PLXDC2: variants seen among roughly 807,000 people sequenced by gnomAD.
PLXDC2 encodes plexin domain-containing protein 2.
PLXDC2 carries 40 observed loss-of-function variants against 68.9 expected under a neutral mutation model. The observed-to-expected ratio is 0.58, with a 90% confidence interval of 0.45 to 0.76. The LOEUF is 0.76. PLXDC2 is among the 30% of genes least tolerant of loss of function. The probability of loss-of-function intolerance (pLI) is 0.00; values close to 1 mark genes in which losing one functional copy is unlikely to be tolerated. For missense variants in PLXDC2, 644 were observed against 661.9 expected (o/e 0.97, Z 0.30); for synonymous variants, 243 against 234.2 (o/e 1.04, Z -0.34).
chr10:20,251,737 TTAGAC>T (rs1422494684), intron 13 of PLXDC2, among the ~76,000 whole-genome samples: 19 of 152,302 alleles, frequency 1.2e-4, no homozygotes, highest in African/African-American at 4.6e-4. Context: ...ACGAAATAGT[TTAGAC>T]TAGCCATCTT....
chr10:20,125,281 G>A (rs143904719), intron 4 of PLXDC2, among the ~76,000 whole-genome samples: 139 of 151,730 alleles, frequency 9.2e-4, no homozygotes, highest in African/African-American at 1.5e-3. Context: ...TACTAACAAC[G>A]CCATATCCGA....
chr10:19,878,776 C>G (rs1033933164), intron 1 of PLXDC2, among the ~76,000 whole-genome samples: 1 of 152,162 alleles, frequency 6.6e-6, no homozygotes, highest in African/African-American at 2.4e-5. Context: ...TAACACTTTT[C>G]AGCTTCAAAT....
At chr10:20,272,241 CTT>C (rs1196577659) in intron 13 of PLXDC2, among the ~76,000 whole-genome samples, 1 of 151,970 alleles carries the variant, frequency 6.6e-6, no homozygotes, top group Admixed American at 6.6e-5. Flanking sequence ...TCCTTTCAGT[CTT>C]TATTTTTCAA....
At chr10:20,002,183 A>T (rs1299319400) in intron 2 of PLXDC2, among the ~76,000 whole-genome samples, 197 bp downstream of exon 2, 1 of 151,958 alleles carries the variant, frequency 6.6e-6, no homozygotes, top group African/African-American at 2.4e-5. Flanking sequence ...AGACAAACAC[A>T]GGCTTGGTGT....
intron 9 of PLXDC2, among the ~76,000 whole-genome samples, chr10:20,195,001 G>A (rs1834818826): frequency 6.6e-6 from 1 of 151,844 alleles, no homozygotes; most frequent in African/African-American, 2.4e-5. Flanking sequence ...GTGCTTACCT[G>A]AAAGATTGTA....
chr10:19,846,313 C>T (rs1398305417), intron 1 of PLXDC2, among the ~76,000 whole-genome samples: 2 of 151,904 alleles, frequency 1.3e-5, no homozygotes, highest in Non-Finnish European at 2.9e-5. Context: ...CCATTAATCC[C>T]CTGTGATTTG....
In PLXDC2 at chr10:19,840,849, A is replaced by C. The variant is rs183514636; in HGVS notation, c.112+23658A>C. ...CAATTTTATTTTGGTGAAGCATTGA[A>C]TATTACTGATTAGATATATACTATT... On this transcript the variant is annotated intron_variant, in intron 1 of 13. Coordinates refer to ENST00000377252, the MANE Select transcript of PLXDC2 (RefSeq NM_032812.9). Among the ~76,000 whole-genome samples the C allele has an allele frequency of 2.0e-5, 3 of 152,270 alleles. No homozygotes were observed. The East Asian group carries it at 5.8e-4, about 29-fold the overall frequency.
At chr10:20,178,811 T>C (rs534648353) in intron 9 of PLXDC2, among the ~76,000 whole-genome samples, 13 of 152,282 alleles carry the variant, frequency 8.5e-5, no homozygotes, top group African/African-American at 3.1e-4. Context: ...TTGTTTTCGA[T>C]TTAACAGGGC....
At chr10:20,133,164 A>G (rs924043540) in intron 4 of PLXDC2, among the ~76,000 whole-genome samples, 1 of 152,106 alleles carries the variant, frequency 6.6e-6, no homozygotes. Context: ...TTATGTATTC[A>G]TTAATAAATT....
At chr10:20,124,948 G>T (rs1198228874) in intron 4 of PLXDC2, among the ~76,000 whole-genome samples, 1 of 152,118 alleles carries the variant, frequency 6.6e-6, no homozygotes, top group African/African-American at 2.4e-5. Context: ...ATGACCTTTG[G>T]TTTAGAAAGC....
At chr10:20,026,672 G>C (rs1835409553) in intron 2 of PLXDC2, among the ~76,000 whole-genome samples, 1 of 151,940 alleles carries the variant, frequency 6.6e-6, no homozygotes, top group Non-Finnish European at 1.5e-5. Context: ...CCAAACAAGA[G>C]CAGATACCAC....
chr10:19,966,706 A>C (rs1834269294), intron 1 of PLXDC2, among the ~76,000 whole-genome samples: 1 of 152,120 alleles, frequency 6.6e-6, no homozygotes, highest in Non-Finnish European at 1.5e-5. Context: ...AACATTAAGC[A>C]AGACTGTAGT....
intron 1 of PLXDC2, among the ~76,000 whole-genome samples, chr10:19,973,054 A>C (rs1031595317): frequency 1.3e-5 from 2 of 152,026 alleles, no homozygotes; most frequent in Non-Finnish European, 2.9e-5. Context: ...TAAAATTCAG[A>C]TTTTTAACTT....
chr10:20,200,927 T>C (rs1224569583), intron 9 of PLXDC2, among the ~76,000 whole-genome samples: 4 of 152,082 alleles, frequency 2.6e-5, no homozygotes, highest in African/African-American at 9.7e-5. Context: ...TATGCACTGT[T>C]GGTGGGCATG....
chr10:20,156,901 T>G (rs528684806), intron 6 of PLXDC2, among the ~76,000 whole-genome samples: 18 of 152,316 alleles, frequency 1.2e-4, no homozygotes, highest in Admixed American at 2.6e-4. Flanking sequence ...CAACTCACCA[T>G]TAATATTTTG....
chr10:19,961,215 C>T (rs570242587), intron 1 of PLXDC2, among the ~76,000 whole-genome samples: 3 of 152,292 alleles, frequency 2.0e-5, no homozygotes, highest in African/African-American at 7.2e-5. Flanking sequence ...CAGAGATGTA[C>T]GCTGTGCAAA....
chr10:19,954,966 T>A (rs963708740), intron 1 of PLXDC2, among the ~76,000 whole-genome samples: 1 of 152,148 alleles, frequency 6.6e-6, no homozygotes, highest in Non-Finnish European at 1.5e-5. Flanking sequence ...TATTACCTTC[T>A]TTCTCACAAA....
At chr10:19,979,140 C>A (rs968403291) in intron 1 of PLXDC2, among the ~76,000 whole-genome samples, 1 of 152,118 alleles carries the variant, frequency 6.6e-6, no homozygotes, top group South Asian at 2.1e-4. Context: ...TCATAAACTT[C>A]ATTTGCTATG....
At chr10:19,820,009 A>T (rs749697818) in intron 1 of PLXDC2, among the ~76,000 whole-genome samples, 1 of 152,220 alleles carries the variant, frequency 6.6e-6, no homozygotes, top group Non-Finnish European at 1.5e-5. Flanking sequence ...TACCTGCAAA[A>T]TTTTAAAAAT....
Sources: allele counts gnomAD v4.1 joint callset (sites outside exome capture counted in the v4.1 genomes callset), GRCh38; gene constraint gnomAD v4.1.1; transcripts MANE v1.5; gene names NCBI Gene and HGNC (gene_info 2026-07-23, HGNC 2026-07-21).